Variants in LRP4 observed in about 807,000 individuals in gnomAD.
The protein encoded by LRP4 is LDL receptor related protein 4.
LRP4 carries 95 observed loss-of-function variants against 220.3 expected under a neutral mutation model. That is an observed-to-expected ratio of 0.43 (90% CI 0.37 to 0.51). The LOEUF (loss-of-function observed/expected upper bound fraction) is 0.51. Among genes scored for constraint, LRP4 ranks in the 20% least tolerant of loss-of-function variants. The pLI, the probability that LRP4 is intolerant of heterozygous loss-of-function variation, is 0.00. For missense variants in LRP4, 1,925 were observed against 2,567.0 expected (o/e 0.75, Z 5.40); for synonymous variants, 903 against 954.6 (o/e 0.95, Z 1.00).
rs1940987969 is a variant in LRP4, at chr11:46,875,475, C to T, written c.3906G>A (p.Val1302=). Residue 1302 remains valine, a synonymous_variant, in exon 27 of 38, where the codon GTG becomes GTA. Transcript: ENST00000378623. The surrounding 1 kb of genome is among the most constrained non-coding windows in gnomAD (Gnocchi z 4.5). ...TCTCACCTAGTGGCTGTGCCCGGTC[C>T]ACAGCCTGCATGTCCATGAGGCCTG... The part of the protein sequence containing the change: ...NLPGLMDMQA[V]DRAQPLGFNK... 1.2e-6 allele frequency: 2 copies of T among 1,613,968 alleles called. No homozygotes were observed. The highest frequency in any genetic ancestry group is 2.7e-5 in the African/African-American group (2 of 74,906).
chr11:46,862,529 CTTAT>C, intron 37 of LRP4, 73 bp downstream of exon 37: 1 of 1,430,738 alleles, frequency 7.0e-7, no homozygotes, highest in Non-Finnish European at 9.9e-7. Flanking sequence ...CCGTTACTGA[CTTAT>C]TTGGGCATTT....
Position 46,900,366 on chromosome 11 carries a change from CAGGT to C in LRP4, c.208_211del (p.Thr70ValfsTer326). On this transcript the variant is annotated frameshift_variant, in exon 3 of 38. Transcript: ENST00000378623. LOFTEE classifies it high-confidence loss of function. ...GTCACAGTGAAAGTCAAGAGGGGAACAGGTAGGTAGTACTGAATCCCAGGAAAAG... is the reference window on the plus strand; with the variant it reads ...GTCACAGTGAAAGTCAAGAGGGGAACAGGTAGTACTGAATCCCAGGAAAAG... 1 of 1,608,618 alleles carries C rather than the reference CAGGT, an allele frequency of 6.2e-7. No individual in the cohort carries two copies. The highest frequency in any genetic ancestry group is 1.3e-5 in the African/African-American group (1 of 74,920).
chr11:46,904,397 GGA>G (rs1455880347), intron 1 of LRP4, among the ~76,000 whole-genome samples: 1 of 152,132 alleles, frequency 6.6e-6, no homozygotes, highest in East Asian at 1.9e-4. Context: ...CCAAAAGCAG[GGA>G]GAGAGCTCTA....
At chr11:46,904,713 A>G (rs1034376548) in intron 1 of LRP4, among the ~76,000 whole-genome samples, 7 of 152,238 alleles carry the variant, frequency 4.6e-5, no homozygotes, top group African/African-American at 1.7e-4. Context: ...TCATGCCTGT[A>G]ATATCAGCAC....
rs1243100512 is a variant in LRP4, at chr11:46,875,887, T to G, written c.3616A>C (p.Ile1206Leu). Residue 1206 changes from isoleucine to leucine, a missense_variant, in exon 26 of 38, where the codon ATC becomes CTC. Coordinates refer to ENST00000378623, the MANE Select transcript of LRP4 (RefSeq NM_002334.4). This position sits in a 1 kb window ranked among gnomAD's most constrained non-coding sequence, Gnocchi z 4.5. ...TTGGGCCATCCTAGGTTGTTGTTGA[T>G]GAGCACCGCGCGGTCTGAGCCATCC... The part of the protein sequence containing the change: ...GMDGSDRAVL[I>L]NNNLGWPNGL... The G allele has an allele frequency of 6.2e-7, 1 of 1,614,114 alleles. No individual in the cohort carries two copies. The highest frequency in any genetic ancestry group is 1.1e-5 in the South Asian group (1 of 91,066).
At chr11:46,865,886 AAGTT>A (rs765794244) in intron 34 of LRP4, among the ~76,000 whole-genome samples, 29 of 152,352 alleles carry the variant, frequency 1.9e-4, no homozygotes, top group Middle Eastern at 3.4e-3. Context: ...TAGTACTTAA[AAGTT>A]AGTGAGAAAG....
chr11:46,872,569 T>C (rs1008837762), intron 30 of LRP4, among the ~76,000 whole-genome samples: 1 of 152,148 alleles, frequency 6.6e-6, no homozygotes, highest in African/African-American at 2.4e-5. Flanking sequence ...CATAGCGAGA[T>C]GCTGTCTCTA....
In LRP4 at chr11:46,868,611, G is replaced by T; in HGVS notation, c.4940C>A (p.Pro1647His). 2 of 1,613,584 alleles carry T rather than the reference G, an allele frequency of 1.2e-6. No individual in the cohort carries two copies. Among genetic ancestry groups the T allele is most frequent in the Non-Finnish European group, 1.7e-6 (2 of 1,179,456 alleles). ...CACPDEPDSR[P>H]CSLVPGLVPP... ...ACAGTCCAACTCACCAAGGGAGCAG[G>T]GCCGGCTATCAGGTTCGTCAGGACA... Residue 1647 changes from proline to histidine, a missense_variant, in exon 33 of 38, where the codon CCC becomes CAC. Around this residue, in one of 3 missense-constraint regions of LRP4, gnomAD observed 1,244 missense variants for 1,624.9 expected, o/e 0.77. Transcript: ENST00000378623.
intron 20 of LRP4, among the ~76,000 whole-genome samples, chr11:46,880,233 AG>A (rs1941120103): frequency 6.6e-6 from 1 of 151,354 alleles, no homozygotes; most frequent in African/African-American, 2.4e-5. Context: ...CCAGCTACTC[AG>A]GAGCCTCAGA....
At position 46,890,127 on chromosome 11, in the gene LRP4, A is replaced by C; in HGVS notation, c.1916-7T>G. The C allele has an allele frequency of 6.2e-7, 1 of 1,613,868 alleles. No individual in the cohort carries two copies. The highest frequency in any genetic ancestry group is 8.5e-7 in the Non-Finnish European group (1 of 1,179,898). On this transcript the variant is annotated splice_polypyrimidine_tract_variant and splice_region_variant and intron_variant, in intron 14 of 37. Coordinates refer to ENST00000378623, the MANE Select transcript of LRP4 (RefSeq NM_002334.4). The surrounding 1 kb of genome is among the most constrained non-coding windows in gnomAD (Gnocchi z 5.3). ...GCGAAGGGATGCGGGAGGCCTGGGG[A>C]AAGTCCAGGAAGACCTCAGTCTGGA...
chr11:46,860,949 G>A, intron 37 of LRP4: 9 of 985,114 alleles, frequency 9.1e-6, no homozygotes, highest in Non-Finnish European at 1.1e-5. Flanking sequence ...GAGGAAATCA[G>A]AAGAGAAAAG....
rs374632611 is a variant in LRP4, at chr11:46,902,939, G to A, written c.53-10C>T. On this transcript the variant is annotated splice_polypyrimidine_tract_variant and intron_variant, in intron 1 of 37. Transcript: ENST00000378623. ...GGGCTGCTGGCCAGGCCTGGGCGGA[G>A]GGAAAAGGAATCAGTGAGGGCTCAG... 5 of 1,613,810 alleles carry A rather than the reference G, an allele frequency of 3.1e-6. No individual in the cohort carries two copies. Among genetic ancestry groups the A allele is most frequent in the Non-Finnish European group, 4.2e-6 (5 of 1,180,036 alleles).
In LRP4 at chr11:46,876,833, G is replaced by A; in HGVS notation, c.3278-3C>T. 1 of 1,612,568 alleles carries A rather than the reference G, an allele frequency of 6.2e-7. No individual in the cohort carries two copies. The highest frequency in any genetic ancestry group is 8.5e-7 in the Non-Finnish European group (1 of 1,178,890). On this transcript the variant is annotated splice_region_variant and splice_polypyrimidine_tract_variant and intron_variant, in intron 23 of 37. Transcript: ENST00000378623. ...GCTGTCAGACCAGTACACCTTTCCT[G>A]GAGAGGGAAAGCTTGGCTCAACCTA...
rs2134854486 is a variant in LRP4 at position 46,896,306 on chromosome 11, G to C, written c.952C>G (p.Leu318Val). The C allele has an allele frequency of 1.2e-6, 2 of 1,614,164 alleles. No homozygotes were observed. Among genetic ancestry groups the C allele is most frequent in the Non-Finnish European group, 1.7e-6 (2 of 1,180,048 alleles). The part of the protein sequence containing the change: ...GSPQCALDQF[L>V]CWNGRCIGQR... ...CCAATGCAGCGCCCATTCCAACACAGGAACTGGTCCAAGGCACATTGGGGG... is the reference window on the plus strand; with the variant it reads ...CCAATGCAGCGCCCATTCCAACACACGAACTGGTCCAAGGCACATTGGGGG... The change falls in exon 9 of 38, where the codon CTG (leucine) becomes GTG (valine). Residue 318 changes from leucine (L) to valine (V), a missense_variant. Leu to Val is a conservative substitution (Grantham distance 32). Coordinates refer to ENST00000378623, the MANE Select transcript of LRP4 (RefSeq NM_002334.4).
In LRP4 at chr11:46,898,977, T is replaced by C. The variant is rs1254387847; in HGVS notation, c.603A>G (p.Gly201=). 6.8e-6 allele frequency: 11 copies of C among 1,613,736 alleles called. No individual in the cohort carries two copies. The highest frequency in any genetic ancestry group is 5.0e-5 in the Admixed American group (3 of 60,002). Residue 201 remains glycine, a synonymous_variant, in exon 6 of 38, where the codon GGA becomes GGG. Coordinates refer to ENST00000378623, the MANE Select transcript of LRP4 (RefSeq NM_002334.4). ...CNLEEFQCAY[G]RCILDIYHCD... is the part of the protein sequence containing the mutation. Reference sequence around the variant, plus strand: ...AGTGGTAGATGTCGAGGATGCAGCGTCCATAGGCACACTGGAACTCCTCCA... The same window carrying C: ...AGTGGTAGATGTCGAGGATGCAGCGCCCATAGGCACACTGGAACTCCTCCA...
chr11:46,893,086 G>A lies in LRP4; in HGVS notation c.1584C>T (p.Thr528=), dbSNP rs574108233. 75 of 1,614,126 alleles carry A rather than the reference G, an allele frequency of 4.6e-5. No homozygotes were observed. The Middle Eastern group carries it at 8.2e-4, about 18-fold the overall frequency. Residue 528 remains threonine, a synonymous_variant, in exon 13 of 38, where the codon ACC becomes ACT. Coordinates refer to ENST00000378623, the MANE Select transcript of LRP4 (RefSeq NM_002334.4). The part of the protein sequence containing the change: ...VDWVHDKLYW[T]DSGTSRIEVA... ...CCTCAATCCTCGAGGTGCCTGAGTC[G>A]GTCCAGTAGAGTTTGTCATGGACCC...
In LRP4 at chr11:46,873,498, A is replaced by C; in HGVS notation, c.4325T>G (p.Leu1442Arg). Residue 1442 changes from leucine (L) to arginine (R), a missense_variant, in exon 29 of 38, where the codon CTG (leucine) becomes CGG (arginine). Leu to Arg is a moderately radical substitution (Grantham distance 102). Around this residue, in one of 3 missense-constraint regions of LRP4, gnomAD observed 1,244 missense variants for 1,624.9 expected, o/e 0.77. Transcript: ENST00000378623. The surrounding 1 kb of genome is among the most constrained non-coding windows in gnomAD (Gnocchi z 4.2). ...GLAVDWVARN[L>R]YWTDTGRNTI... Reference sequence around the variant, plus strand: ...ATTTCGACCTGTGTCTGTCCAGTACAGGTTCCTGGCCACCCAGTCCACTGC... The same window carrying C: ...ATTTCGACCTGTGTCTGTCCAGTACCGGTTCCTGGCCACCCAGTCCACTGC... 6.2e-7 allele frequency: 1 copy of C among 1,614,218 alleles called. No individual in the cohort carries two copies. Among genetic ancestry groups the C allele is most frequent in the Non-Finnish European group, 8.5e-7 (1 of 1,180,048 alleles).
Position 46,875,571 on chromosome 11 carries a change from C to T in LRP4, c.3810G>A (p.Trp1270Ter). The change falls in exon 27 of 38, where the codon TGG becomes TGA. Residue 1270 changes from tryptophan to a stop codon, truncating the protein, a stop_gained. Coordinates refer to ENST00000378623, the MANE Select transcript of LRP4 (RefSeq NM_002334.4). LOFTEE classifies it high-confidence loss of function. This position sits in a 1 kb window ranked among gnomAD's most constrained non-coding sequence, Gnocchi z 4.5. ...CAGCACGGTGGATGCTCCGAGTCTG[C>T]CAGTCAGTCCAGTAGATATAGGAGT... The part of the protein sequence containing the change: ...LLDSYIYWTD[W>*]QTRSIHRADK... The T allele has an allele frequency of 6.2e-7, 1 of 1,614,090 alleles. No homozygotes were observed. Among genetic ancestry groups the T allele is most frequent in the Non-Finnish European group, 8.5e-7 (1 of 1,180,012 alleles).
intron 12 of LRP4, among the ~76,000 whole-genome samples, chr11:46,894,274 A>C (rs1171656531): frequency 1.3e-5 from 2 of 152,322 alleles, no homozygotes; most frequent in East Asian, 3.9e-4. Context: ...AATCGAAACA[A>C]AACTCAGAAA....
Sources: gnomAD v4.1 joint callset for allele counts (sites outside exome capture counted in the v4.1 genomes callset) on GRCh38, gnomAD v4.1.1 for gene constraint, gnomAD v4.1.1 regional missense constraint, Gnocchi (gnomAD v3.1) non-coding constraint, MANE v1.5 for transcripts, NCBI Gene and HGNC (gene_info 2026-07-23, HGNC 2026-07-21) for gene names.